Variants in ADGRV1 observed in about 807,000 individuals in gnomAD.
ADGRV1 encodes G-protein coupled receptor 98.
In ADGRV1, 359 loss-of-function variants were observed where a neutral mutation model predicts 596.2. The observed-to-expected ratio is 0.60, with a 90% CI of 0.55 to 0.66. The LOEUF (loss-of-function observed/expected upper bound fraction) is 0.66, where lower values mean the gene tolerates loss of function less well. Ranked by LOEUF, ADGRV1 falls within the 30% of genes least tolerant of loss-of-function variation. The pLI, the probability that ADGRV1 is intolerant of heterozygous loss-of-function variation, is 0.00. For missense variants in ADGRV1, 7,274 were observed against 7,575.6 expected (o/e 0.96, Z 1.48); for synonymous variants, 2,681 against 2,679.2 (o/e 1.00, Z -0.02).
At chr5:90,604,671 A>G (rs1380478367) in intron 1 of ADGRV1, among the ~76,000 whole-genome samples, 1 of 152,064 alleles carries the variant, frequency 6.6e-6, no homozygotes, top group Non-Finnish European at 1.5e-5. Context: ...TTTTTTTTAG[A>G]CAGACGGGTG....
At chr5:90,789,588 T>A in intron 68 of ADGRV1, 114 bp from the exon 69 acceptor site, 2 of 633,172 alleles carry the variant, frequency 3.2e-6, no homozygotes, top group East Asian at 5.9e-5. Context: ...TATTCAAGTG[T>A]CATTTTTATG....
At chr5:90,870,417 C>A (rs370812350) in intron 83 of ADGRV1, among the ~76,000 whole-genome samples, 1 of 152,024 alleles carries the variant, frequency 6.6e-6, no homozygotes, top group Non-Finnish European at 1.5e-5. Context: ...CCAAAACTCA[C>A]GTATTTAGAG....
At chr5:90,796,179 C>T (rs932763757) in intron 70 of ADGRV1, among the ~76,000 whole-genome samples, 8 of 151,972 alleles carry the variant, frequency 5.3e-5, no homozygotes, top group African/African-American at 1.2e-4. Flanking sequence ...TAAACTCCTC[C>T]GAGCTAAGGG....
At chr5:90,619,462 T>A (rs1442464692) in intron 4 of ADGRV1, among the ~76,000 whole-genome samples, 1 of 152,172 alleles carries the variant, frequency 6.6e-6, no homozygotes, top group African/African-American at 2.4e-5. Flanking sequence ...TGTCTTTAAC[T>A]CAGATATACC....
At chr5:91,095,318 G>A (rs186229534) in intron 86 of ADGRV1, among the ~76,000 whole-genome samples, 2 of 152,092 alleles carry the variant, frequency 1.3e-5, no homozygotes, top group Non-Finnish European at 2.9e-5. Flanking sequence ...TCCTACCTCA[G>A]CCTCCTGAGT....
chr5:90,961,814 G>A (rs1234036435), intron 83 of ADGRV1, among the ~76,000 whole-genome samples: 4 of 152,000 alleles, frequency 2.6e-5, no homozygotes, highest in Non-Finnish European at 5.9e-5. Context: ...TACTTTTTGG[G>A]GGAACTATAT....
chr5:90,961,255 C>G (rs572392191), intron 83 of ADGRV1, among the ~76,000 whole-genome samples: 100 of 152,176 alleles, frequency 6.6e-4, no homozygotes, highest in African/African-American at 2.2e-3. Flanking sequence ...AATCCCAGCA[C>G]TTTGGGAGGC....
chr5:90,952,415 T>A (rs1431603796), intron 83 of ADGRV1, among the ~76,000 whole-genome samples: 1 of 152,178 alleles, frequency 6.6e-6, no homozygotes, highest in East Asian at 1.9e-4. Flanking sequence ...CTACTTGCTG[T>A]TCAAGAGTAC....
chr5:90,937,174 C>T (rs774660534), intron 83 of ADGRV1, among the ~76,000 whole-genome samples: 1 of 152,054 alleles, frequency 6.6e-6, no homozygotes, highest in Non-Finnish European at 1.5e-5. Flanking sequence ...CTACTTAGTA[C>T]TTTGTACTTT....
At chr5:91,013,996 G>T (rs1457609596) in intron 85 of ADGRV1, among the ~76,000 whole-genome samples, 1 of 151,904 alleles carries the variant, frequency 6.6e-6, no homozygotes, top group Admixed American at 6.6e-5. Flanking sequence ...GGTCAGCTTA[G>T]TTAAAGATCA....
At chr5:90,846,740 G>C (rs771810755) in intron 78 of ADGRV1, 2 of 152,494 alleles carry the variant, frequency 1.3e-5, no homozygotes, top group Non-Finnish European at 1.5e-5. Flanking sequence ...AGCTTCCATA[G>C]TGTGCAAGGG....
intron 1 of ADGRV1, among the ~76,000 whole-genome samples, chr5:90,609,209 A>G (rs912800407): frequency 1.4e-4 from 22 of 152,094 alleles, no homozygotes; most frequent in African/African-American, 5.3e-4. Context: ...TAGGAGCAGC[A>G]TATGGCTGGT....
At chr5:90,912,047 C>A (rs567743346) in intron 83 of ADGRV1, among the ~76,000 whole-genome samples, 2 of 152,026 alleles carry the variant, frequency 1.3e-5, no homozygotes, top group Non-Finnish European at 2.9e-5. Flanking sequence ...GAGTCAATCT[C>A]ATGGAGTTGT....
chr5:90,996,810 A>C (rs1205252370), intron 85 of ADGRV1, among the ~76,000 whole-genome samples: 3 of 152,216 alleles, frequency 2.0e-5, no homozygotes, highest in Non-Finnish European at 4.4e-5. Context: ...GCCTAGTGTC[A>C]GTGTGGCCTG....
chr5:91,094,646 G>A (rs1040847786), intron 86 of ADGRV1, among the ~76,000 whole-genome samples: 1 of 152,052 alleles, frequency 6.6e-6, no homozygotes, highest in African/African-American at 2.4e-5. Flanking sequence ...AGATAAAATA[G>A]ACAAAATATG....
chr5:90,671,851 G>A (rs2149535342), intron 21 of ADGRV1, among the ~76,000 whole-genome samples: 1 of 152,052 alleles, frequency 6.6e-6, no homozygotes, highest in African/African-American at 2.4e-5. Flanking sequence ...GAGTTTTAAA[G>A]CATTATCTTA....
At chr5:90,720,487 A>G (rs1329246410) in intron 44 of ADGRV1, among the ~76,000 whole-genome samples, 1 of 152,210 alleles carries the variant, frequency 6.6e-6, no homozygotes, top group African/African-American at 2.4e-5. Flanking sequence ...GGTCTGTACT[A>G]TTTTGTGTTT....
Position 90,880,800 on chromosome 5 carries a change from C to T in ADGRV1, c.17856+16943C>T, listed in dbSNP as rs74799317. Among the ~76,000 whole-genome samples the T allele has an allele frequency of 2.2e-3, 341 of 152,230 alleles. 2 individuals carry two copies. The highest frequency in any genetic ancestry group is 7.1e-3 in the African/African-American group (295 of 41,542). On this transcript the variant is annotated intron_variant, in intron 83 of 89. Transcript: ENST00000405460. ...TGTCAGCTTTCTGGAGAATATTGTC[C>T]GTATGTCAGGATATGTAAATAATTT...
chr5:90,866,305 GTA>G (rs1231280922), intron 83 of ADGRV1, among the ~76,000 whole-genome samples: 5 of 83,262 alleles, frequency 6.0e-5, no homozygotes, highest in Admixed American at 1.6e-4. Context: ...AATTTATTGT[GTA>G]TGTGTATATG....
Sources: gnomAD v4.1 joint callset for allele counts (sites outside exome capture counted in the v4.1 genomes callset) on GRCh38, gnomAD v4.1.1 for gene constraint, MANE v1.5 for transcripts, NCBI Gene and HGNC (gene_info 2026-07-23, HGNC 2026-07-21) for gene names.